The following DAZAP1 variants were observed in gnomAD, a reference collection of about 807,000 sequenced individuals.
DAZAP1 encodes the protein DAZ-associated protein 1.
In DAZAP1, 6 loss-of-function variants were observed where a neutral mutation model predicts 60.1. The observed-to-expected ratio is 0.10, with a 90% CI of 0.05 to 0.20. DAZAP1 has a LOEUF of 0.20. Among genes scored for constraint, DAZAP1 ranks in the 10% least tolerant of loss-of-function variants. The pLI, the probability that DAZAP1 is intolerant of heterozygous loss-of-function variation, is 1.00. For synonymous variants in DAZAP1, 235 were observed against 215.9 expected, an observed-to-expected ratio of 1.09 and a Z score of -0.78; for missense variants, 366 against 560.4, an observed-to-expected ratio of 0.65 and a Z score of 3.50.
rs2144941823 is a variant in DAZAP1 at position 1,432,922 on chromosome 19, G to A, written c.1048+232G>A. 1 of 548,088 alleles carries A rather than the reference G, an allele frequency of 1.8e-6. No homozygotes were observed. The highest frequency in any genetic ancestry group is 3.1e-5 in the East Asian group (1 of 31,896). 34.0% of individuals were successfully genotyped at this position (548,088 alleles called of 1,614,324 possible). A position where few individuals can be genotyped will look rare whatever the true frequency, so the allele number is the denominator to read the frequency against. ...GCAGAGCACTCGTCATACAGCAGGT[G>A]CTGCAGGGCCTGCATGTGTGGGAAC... is the stretch of plus-strand genomic sequence containing the variant. On this transcript the variant is annotated intron_variant, in intron 11 of 11. Transcript: ENST00000233078. This position sits in a 1 kb window ranked among gnomAD's most constrained non-coding sequence, Gnocchi z 4.9.
rs767834009 is a variant in DAZAP1 at position 1,425,084 on chromosome 19, G to A, written c.464-794G>A. ...CTGTTTTGATCCCATGGTGCATCTC[G>A]CTCTTGCTGCTGGCAGCAGAGTCTG... On this transcript the variant is annotated intron_variant, in intron 6 of 11. Transcript: ENST00000233078. This position sits in a 1 kb window ranked among gnomAD's most constrained non-coding sequence, Gnocchi z 5.4. Among the ~76,000 whole-genome samples the A allele has an allele frequency of 1.5e-4, 23 of 152,180 alleles. No individual in the cohort carries two copies. The highest frequency in any genetic ancestry group is 6.5e-4 in the Admixed American group (10 of 15,286).
chr19:1,416,873 C>T lies in DAZAP1; in HGVS notation c.30-627C>T, dbSNP rs1056477670. ...TGAATTTCAGGCCCTTCTCATCTGCCAATAAGAGACAGCCCCAGAATGGGG... is the reference window on the plus strand; with the variant it reads ...TGAATTTCAGGCCCTTCTCATCTGCTAATAAGAGACAGCCCCAGAATGGGG... On this transcript the variant is annotated intron_variant, in intron 1 of 11. Coordinates refer to ENST00000233078, the MANE Select transcript of DAZAP1 (RefSeq NM_018959.4). This position sits in a 1 kb window ranked among gnomAD's most constrained non-coding sequence, Gnocchi z 4.3. 2 of 153,294 alleles carry T rather than the reference C, an allele frequency of 1.3e-5. No individual in the cohort carries two copies. Among genetic ancestry groups the T allele is most frequent in the African/African-American group, 4.8e-5 (2 of 41,322 alleles). 9.5% of individuals were successfully genotyped at this position (153,294 alleles called of 1,614,324 possible). A position where few individuals can be genotyped will look rare whatever the true frequency, so the allele number is the denominator to read the frequency against.
chr19:1,430,379 T>G lies in DAZAP1; in HGVS notation c.871+17T>G. 6.8e-7 allele frequency: 1 copy of G among 1,477,436 alleles called. No homozygotes were observed. Among genetic ancestry groups the G allele is most frequent in the Non-Finnish European group, 9.0e-7 (1 of 1,116,772 alleles). The allele number at this position is 1,477,436 out of a possible 1,614,324, so 91.5% of individuals were successfully genotyped here. ...CACAGTTCAGTAAGTCTAGGGGGCCTTGTGGGAGGGCCTCCCGCCTGCTCC... is the reference window on the plus strand; with the variant it reads ...CACAGTTCAGTAAGTCTAGGGGGCCGTGTGGGAGGGCCTCCCGCCTGCTCC... On this transcript the variant is annotated intron_variant, in intron 10 of 11. Transcript: ENST00000233078.
intron 5 of DAZAP1, among the ~76,000 whole-genome samples, chr19:1,421,794 A>T (rs1410726718): frequency 6.6e-6 from 1 of 152,206 alleles, no homozygotes. Flanking sequence ...GAGCCCCGCC[A>T]GCAGGACAGC....
intron 6 of DAZAP1, among the ~76,000 whole-genome samples, chr19:1,424,825 C>T (rs1376473327): frequency 2.0e-5 from 3 of 152,200 alleles, no homozygotes; most frequent in Admixed American, 1.3e-4. Flanking sequence ...CGGGCACTTC[C>T]ATCTGGGGAG....
intron 1 of DAZAP1, among the ~76,000 whole-genome samples, chr19:1,408,770 G>A (rs1403084381): frequency 6.6e-6 from 1 of 152,258 alleles, no homozygotes; most frequent in Non-Finnish European, 1.5e-5. Flanking sequence ...CGCGGGGCCG[G>A]GAAACCTCAT....
At position 1,423,119 on chromosome 19, in the gene DAZAP1, G is replaced by A. The variant is rs1350702791; in HGVS notation, c.463+723G>A. On this transcript the variant is annotated intron_variant, in intron 6 of 11. Coordinates refer to ENST00000233078, the MANE Select transcript of DAZAP1 (RefSeq NM_018959.4). This position sits in a 1 kb window ranked among gnomAD's most constrained non-coding sequence, Gnocchi z 6.8. ...GCAGACCTGCAGCCTGGGTCTGCCC[G>A]CCACGTCCGTGCCGCCCCCGCACCA... Among the ~76,000 whole-genome samples the A allele has an allele frequency of 1.3e-5, 2 of 151,836 alleles. No homozygotes were observed. The highest frequency in any genetic ancestry group is 6.6e-5 in the Admixed American group (1 of 15,042).
intron 2 of DAZAP1, 56 bp downstream of exon 2, chr19:1,417,596 C>T: frequency 6.6e-7 from 1 of 1,510,484 alleles, no homozygotes; most frequent in Non-Finnish European, 9.0e-7. Context: ...GGACCTCGGC[C>T]TTCAAGTTGT....
At position 1,430,462 on chromosome 19, in the gene DAZAP1, A is replaced by G. The variant is rs1305747142; in HGVS notation, c.871+100A>G. 6 of 1,157,996 alleles carry G rather than the reference A, an allele frequency of 5.2e-6. No individual in the cohort carries two copies. The East Asian group carries it at 1.5e-4, about 29-fold the overall frequency. 71.7% of individuals were successfully genotyped at this position (1,157,996 alleles called of 1,614,324 possible). On this transcript the variant is annotated intron_variant, in intron 10 of 11. Coordinates refer to ENST00000233078, the MANE Select transcript of DAZAP1 (RefSeq NM_018959.4). ...AGTCTTGTGTTACACGTCTGGCCTC[A>G]GCCACAGGTGGGGTGCCGGCTGGTC...
rs551306608 is a variant in DAZAP1 at position 1,426,964 on chromosome 19, G to T, written c.546+1004G>T. 2.2e-4 allele frequency: 33 copies of T among 152,322 alleles called. No individual in the cohort carries two copies. The highest frequency in any genetic ancestry group is 7.9e-4 in the African/African-American group (33 of 41,556). The allele number at this position is 152,322 out of a possible 1,614,324, so 9.4% of individuals were successfully genotyped here. A position where few individuals can be genotyped will look rare whatever the true frequency, so the allele number is the denominator to read the frequency against. ...ATCGTGCTCATTATCTCCTGCCCCT[G>T]CCCTCTACCCCAGCCAGAGGTCTTG... is the stretch of plus-strand genomic sequence containing the variant. On this transcript the variant is annotated intron_variant, in intron 7 of 11. Transcript: ENST00000233078. This position sits in a 1 kb window ranked among gnomAD's most constrained non-coding sequence, Gnocchi z 5.4.
intron 10 of DAZAP1, among the ~76,000 whole-genome samples, chr19:1,430,828 C>T (rs2083431710): frequency 1.3e-5 from 2 of 150,966 alleles, no homozygotes; most frequent in Non-Finnish European, 2.9e-5. Flanking sequence ...TCACACCATT[C>T]TCCTGCCTCA....
chr19:1,429,837 C>A, intron 8 of DAZAP1, 130 bp from the exon 9 acceptor site: 2 of 1,133,134 alleles, frequency 1.8e-6, no homozygotes, highest in Non-Finnish European at 2.5e-6. Context: ...GCCCTCAGGA[C>A]GAACAGGCTC....
chr19:1,408,091 C>T (rs961367255), intron 1 of DAZAP1, among the ~76,000 whole-genome samples: 4 of 151,512 alleles, frequency 2.6e-5, no homozygotes, highest in South Asian at 4.2e-4. Flanking sequence ...TCCAGACTTC[C>T]TGGTCGGGGG....
rs1270393238 is a variant in DAZAP1 at position 1,408,223 on chromosome 19, T to C, written c.29+421T>C. 2.0e-5 allele frequency among the ~76,000 whole-genome samples: 3 copies of C among 151,982 alleles called. No homozygotes were observed. The East Asian group carries it at 5.8e-4, about 29-fold the overall frequency. On this transcript the variant is annotated intron_variant, in intron 1 of 11. Transcript: ENST00000233078. ...TTCAGGGGCCCCCGCCGCCGCTTCC[T>C]GGTTGTGGCGGCCCCGAACGGGAAC...
At position 1,433,673 on chromosome 19, in the gene DAZAP1, G is replaced by T. The variant is rs563811189; in HGVS notation, c.1048+983G>T. 5 of 1,349,672 alleles carry T rather than the reference G, an allele frequency of 3.7e-6. No homozygotes were observed. The highest frequency in any genetic ancestry group is 5.3e-6 in the Non-Finnish European group (5 of 944,628). The allele number at this position is 1,349,672 out of a possible 1,614,324, so 83.6% of individuals were successfully genotyped here. On this transcript the variant is annotated intron_variant, in intron 11 of 11. Coordinates refer to ENST00000233078, the MANE Select transcript of DAZAP1 (RefSeq NM_018959.4). This position sits in a 1 kb window ranked among gnomAD's most constrained non-coding sequence, Gnocchi z 6.1. The stretch of plus-strand genomic sequence containing the variant: ...GTGAGGCGCCCGGTTGGGGCGTGGC[G>T]TGTGTCAGCCGCTGCTCTTGGTGGC...
At chr19:1,430,481 G>C (rs1450784743) in intron 10 of DAZAP1, 119 bp downstream of exon 10, 2 of 972,954 alleles carry the variant, frequency 2.1e-6, no homozygotes, top group Non-Finnish European at 2.9e-6. Context: ...TGGGGTGCCG[G>C]CTGGTCAGCA....
chr19:1,433,642 G>A lies in DAZAP1; in HGVS notation c.1048+952G>A, dbSNP rs1266136206. ...ACCCTGGCGTGTCTGAGACTGGCAG[G>A]GGGGTGTGAGGCGCCCGGTTGGGGC... is the stretch of plus-strand genomic sequence containing the variant. On this transcript the variant is annotated intron_variant, in intron 11 of 11. Coordinates refer to ENST00000233078, the MANE Select transcript of DAZAP1 (RefSeq NM_018959.4). This position sits in a 1 kb window ranked among gnomAD's most constrained non-coding sequence, Gnocchi z 6.1. 1.0e-6 allele frequency: 1 copy of A among 966,148 alleles called. No individual in the cohort carries two copies. The highest frequency in any genetic ancestry group is 2.4e-5 in the East Asian group (1 of 41,454). The allele number at this position is 966,148 out of a possible 1,614,324, so 59.8% of individuals were successfully genotyped here. A position where few individuals can be genotyped will look rare whatever the true frequency, so the allele number is the denominator to read the frequency against.
chr19:1,419,422 G>C (rs1177137934), intron 4 of DAZAP1, among the ~76,000 whole-genome samples: 1 of 152,198 alleles, frequency 6.6e-6, no homozygotes, highest in Admixed American at 6.5e-5. Context: ...GGGTCTATAT[G>C]TATTTACATC....
Position 1,433,557 on chromosome 19 carries a change from A to G in DAZAP1, c.1048+867A>G, listed in dbSNP as rs2083511402. ...GCATGGCTGTGGTTCCCCTGCCCCC[A>G]CGCCCAGGCCTTGGGCCGAGGTTGC... On this transcript the variant is annotated intron_variant, in intron 11 of 11. Coordinates refer to ENST00000233078, the MANE Select transcript of DAZAP1 (RefSeq NM_018959.4). The surrounding 1 kb of genome is among the most constrained non-coding windows in gnomAD (Gnocchi z 6.1). 1 of 568,958 alleles carries G rather than the reference A, an allele frequency of 1.8e-6. No individual in the cohort carries two copies. The highest frequency in any genetic ancestry group is 3.1e-6 in the Non-Finnish European group (1 of 317,478). The allele number at this position is 568,958 out of a possible 1,614,324, so 35.2% of individuals were successfully genotyped here.
Sources: gnomAD v4.1 joint callset for allele counts (sites outside exome capture counted in the v4.1 genomes callset) on GRCh38, gnomAD v4.1.1 for gene constraint, Gnocchi (gnomAD v3.1) non-coding constraint, MANE v1.5 for transcripts, NCBI Gene and HGNC (gene_info 2026-07-23, HGNC 2026-07-21) for gene names.